The following SOCS4 variants were observed in gnomAD, a reference collection of about 807,000 sequenced individuals.
SOCS4 encodes suppressor of cytokine signaling 4.
Under a neutral mutation model 34.1 loss-of-function variants are expected in SOCS4, and 20 were observed. The observed-to-expected ratio is 0.59, with a 90% confidence interval of 0.41 to 0.85. The LOEUF (loss-of-function observed/expected upper bound fraction) is 0.85, where lower values mean the gene tolerates loss of function less well. SOCS4 is among the 40% of genes least tolerant of loss of function. SOCS4 has a pLI of 0.00. For missense variants in SOCS4, 479 were observed against 532.4 expected, an observed-to-expected ratio of 0.90 and a Z score of 0.99; for synonymous variants, 180 against 186.4, an observed-to-expected ratio of 0.97 and a Z score of 0.28.
rs923128044 is a variant in SOCS4 at position 55,046,548 on chromosome 14, C to G, written c.*2184C>G. ...TTAGTATTTATATGAAAGTCAAGATCTAAGTACCTTTTCATATAATTCAAA... is the reference window on the plus strand; with the variant it reads ...TTAGTATTTATATGAAAGTCAAGATGTAAGTACCTTTTCATATAATTCAAA... On this transcript the variant is annotated 3_prime_UTR_variant, in exon 3 of 3. Transcript: ENST00000555846. 2 of 166,558 alleles carry G rather than the reference C, an allele frequency of 1.2e-5. No homozygotes were observed. Among genetic ancestry groups the G allele is most frequent in the African/African-American group, 4.8e-5 (2 of 41,384 alleles). The allele number at this position is 166,558 out of a possible 1,614,324, so 10.3% of individuals were successfully genotyped here.
chr14:55,039,506 A>G (rs1391177267), intron 2 of SOCS4, among the ~76,000 whole-genome samples: 1 of 152,226 alleles, frequency 6.6e-6, no homozygotes, highest in East Asian at 1.9e-4. Flanking sequence ...TCACTGAAAC[A>G]TTTTATAAGC....
intron 1 of SOCS4, among the ~76,000 whole-genome samples, chr14:55,030,918 C>A (rs926953923): frequency 1.3e-5 from 2 of 152,002 alleles, no homozygotes; most frequent in African/African-American, 4.8e-5. Flanking sequence ...TTAAAATTTT[C>A]TCTTTATGCT....
rs2042662822 is a variant in SOCS4, at chr14:55,045,105, T to C, written c.*741T>C. On this transcript the variant is annotated 3_prime_UTR_variant, in exon 3 of 3. Coordinates refer to ENST00000555846, the MANE Select transcript of SOCS4 (RefSeq NM_199421.2). ...CATTTGTCATTCCTGAATAGGTCTTTCTCTCAACCTGCAAGAGCTAAACCA... is the reference window on the plus strand; with the variant it reads ...CATTTGTCATTCCTGAATAGGTCTTCCTCTCAACCTGCAAGAGCTAAACCA... 1 of 167,034 alleles carries C rather than the reference T, an allele frequency of 6.0e-6. No individual in the cohort carries two copies. The highest frequency in any genetic ancestry group is 2.1e-4 in the South Asian group (1 of 4,832). 10.3% of individuals were successfully genotyped at this position (167,034 alleles called of 1,614,324 possible).
chr14:55,043,971 T>C lies in SOCS4; in HGVS notation c.930T>C (p.Leu310=). ...LEGKPEGTFL[L]RDSAQEDYLF... ...GAAAACCAGAGGGTACCTTTTTACT[T>C]CGAGACTCAGCACAGGAAGACTATT... The change falls in exon 3 of 3, where the codon CTT becomes CTC. Residue 310 remains leucine, a synonymous_variant. Coordinates refer to ENST00000555846, the MANE Select transcript of SOCS4 (RefSeq NM_199421.2). The C allele has an allele frequency of 6.2e-7, 1 of 1,614,148 alleles. No individual in the cohort carries two copies. Among genetic ancestry groups the C allele is most frequent in the Non-Finnish European group, 8.5e-7 (1 of 1,180,008 alleles).
At position 55,043,098 on chromosome 14, in the gene SOCS4, T is replaced by A; in HGVS notation, c.57T>A (p.Ser19Arg). The A allele has an allele frequency of 6.2e-7, 1 of 1,613,948 alleles. No individual in the cohort carries two copies. The highest frequency in any genetic ancestry group is 1.1e-5 in the South Asian group (1 of 91,068). The change falls in exon 3 of 3, where the codon AGT becomes AGA. Residue 19 changes from serine to arginine, a missense_variant. Coordinates refer to ENST00000555846, the MANE Select transcript of SOCS4 (RefSeq NM_199421.2). ...SKNVDVRPKT[S>R]RSRSADRKDG... ...ATGTAGATGTAAGGCCCAAAACTAG[T>A]CGGAGCAGAAGTGCCGACAGAAAAG...
At chr14:55,029,700 A>G (rs966255293) in intron 1 of SOCS4, among the ~76,000 whole-genome samples, 1 of 152,200 alleles carries the variant, frequency 6.6e-6, no homozygotes, top group Non-Finnish European at 1.5e-5. Flanking sequence ...AGAAGAGTGT[A>G]ACAATAGCCA....
intron 2 of SOCS4, among the ~76,000 whole-genome samples, chr14:55,033,008 T>C (rs1252736287): frequency 6.6e-6 from 1 of 152,154 alleles, no homozygotes; most frequent in Non-Finnish European, 1.5e-5. Context: ...GGTCTCGATC[T>C]CCTGACCTCG....
intron 2 of SOCS4, among the ~76,000 whole-genome samples, chr14:55,039,045 G>C (rs147433197): frequency 7.4e-4 from 112 of 152,258 alleles, no homozygotes; most frequent in African/African-American, 2.6e-3. Flanking sequence ...CTGAGAGAAG[G>C]GTGGGGCAAA....
intron 2 of SOCS4, 58 bp from the exon 3 acceptor site, chr14:55,042,894 A>G (rs746662231): frequency 4.4e-6 from 3 of 683,592 alleles, no homozygotes; most frequent in Non-Finnish European, 7.2e-6. Flanking sequence ...GAAGCTTAAT[A>G]TGTAAACTAG....
rs2042685371 is a variant in SOCS4 at position 55,047,298 on chromosome 14, C to T, written c.*2934C>T. ...CATCCTGGGCTAATCAGGAAATAAA[C>T]TTGACTTTTCTATTTTTCTCTGAAG... On this transcript the variant is annotated 3_prime_UTR_variant, in exon 3 of 3. Coordinates refer to ENST00000555846, the MANE Select transcript of SOCS4 (RefSeq NM_199421.2). 6.0e-6 allele frequency: 1 copy of T among 167,070 alleles called. No homozygotes were observed. Among genetic ancestry groups the T allele is most frequent in the South Asian group, 2.1e-4 (1 of 4,830 alleles). The allele number at this position is 167,070 out of a possible 1,614,324, so 10.3% of individuals were successfully genotyped here.
In SOCS4 at chr14:55,048,990, CAGT is replaced by C. The variant is rs1274103642; in HGVS notation, c.*4629_*4631del. On this transcript the variant is annotated 3_prime_UTR_variant, in exon 3 of 3. Transcript: ENST00000555846. ...AAAAGACTTTCTTGACTTGTTTTAA[CAGT>C]AGAGATAGCAGTACAATTTGAATTT... 2 of 166,926 alleles carry C rather than the reference CAGT, an allele frequency of 1.2e-5. No individual in the cohort carries two copies. Among genetic ancestry groups the C allele is most frequent in the Non-Finnish European group, 2.9e-5 (2 of 68,122 alleles). The allele number at this position is 166,926 out of a possible 1,614,324, so 10.3% of individuals were successfully genotyped here. A position where few individuals can be genotyped will look rare whatever the true frequency, so the allele number is the denominator to read the frequency against.
chr14:55,028,443 T>C (rs1187877), intron 1 of SOCS4, among the ~76,000 whole-genome samples: 82,897 of 151,778 alleles, frequency 0.55, 23,154 homozygotes, highest in East Asian at 0.78. Context: ...TCATTTGTTT[T>C]TTGGATAGAC....
intron 2 of SOCS4, among the ~76,000 whole-genome samples, chr14:55,039,852 T>C (rs1268519309): frequency 1.3e-5 from 2 of 151,630 alleles, no homozygotes; most frequent in African/African-American, 2.4e-5. Flanking sequence ...GCCGAGATCG[T>C]GCCACTGCAC....
At position 55,046,171 on chromosome 14, in the gene SOCS4, G is replaced by A. The variant is rs1364808339; in HGVS notation, c.*1807G>A. 8 of 166,550 alleles carry A rather than the reference G, an allele frequency of 4.8e-5. No homozygotes were observed. The highest frequency in any genetic ancestry group is 2.1e-4 in the South Asian group (1 of 4,814). The allele number at this position is 166,550 out of a possible 1,614,324, so 10.3% of individuals were successfully genotyped here. ...CAGGATAAATATCTCTTCTAAAGAC[G>A]ATATTTACCTTTTACAAGGTTAGAA... is the stretch of plus-strand genomic sequence containing the variant. On this transcript the variant is annotated 3_prime_UTR_variant, in exon 3 of 3. Coordinates refer to ENST00000555846, the MANE Select transcript of SOCS4 (RefSeq NM_199421.2).
chr14:55,038,776 A>G (rs1164060292), intron 2 of SOCS4, among the ~76,000 whole-genome samples: 3 of 152,026 alleles, frequency 2.0e-5, no homozygotes, highest in Non-Finnish European at 4.4e-5. Flanking sequence ...CCCATGTTCC[A>G]CCCTGTTCTC....
At chr14:55,033,032 T>A (rs1248624148) in intron 2 of SOCS4, among the ~76,000 whole-genome samples, 3 of 152,176 alleles carry the variant, frequency 2.0e-5, no homozygotes, top group Non-Finnish European at 4.4e-5. Flanking sequence ...TCCACCCACC[T>A]AGGCCTCCCA....
In SOCS4 at chr14:55,043,994, A is replaced by C; in HGVS notation, c.953A>C (p.Tyr318Ser). Reference sequence around the variant, plus strand: ...CTTCGAGACTCAGCACAGGAAGACTATTTATTCTCTGTTAGTTTTAGACGC... The same window carrying C: ...CTTCGAGACTCAGCACAGGAAGACTCTTTATTCTCTGTTAGTTTTAGACGC... Reference protein sequence around the residue: ...FLLRDSAQEDYLFSVSFRRYS... With the variant: ...FLLRDSAQEDSLFSVSFRRYS... The change falls in exon 3 of 3, where the codon TAT becomes TCT. Residue 318 changes from tyrosine (Y) to serine (S), a missense_variant. Physicochemically the swap from Tyr to Ser is moderately radical, Grantham distance 144 (BLOSUM62 -2). Transcript: ENST00000555846. 6.2e-7 allele frequency: 1 copy of C among 1,614,132 alleles called. No individual in the cohort carries two copies. The highest frequency in any genetic ancestry group is 1.1e-5 in the South Asian group (1 of 91,080).
At chr14:55,042,191 A>G (rs906074899) in intron 2 of SOCS4, among the ~76,000 whole-genome samples, 4 of 152,212 alleles carry the variant, frequency 2.6e-5, no homozygotes, top group African/African-American at 9.6e-5. Flanking sequence ...TGCAAATTCT[A>G]GTATGTTTTA....
chr14:55,045,429 A>G lies in SOCS4; in HGVS notation c.*1065A>G, dbSNP rs546938928. The G allele has an allele frequency of 9.0e-5, 15 of 166,986 alleles. No individual in the cohort carries two copies. Among genetic ancestry groups the G allele is most frequent in the Non-Finnish European group, 2.2e-4 (15 of 68,042 alleles). 10.3% of individuals were successfully genotyped at this position (166,986 alleles called of 1,614,324 possible). On this transcript the variant is annotated 3_prime_UTR_variant, in exon 3 of 3. Coordinates refer to ENST00000555846, the MANE Select transcript of SOCS4 (RefSeq NM_199421.2). ...TCCAGAAATAAACATGGAGCTCAGT[A>G]TTCAGGAAGCTTAATACTGTTTTTG...
Sources: gnomAD v4.1 joint callset for allele counts (sites outside exome capture counted in the v4.1 genomes callset) on GRCh38, gnomAD v4.1.1 for gene constraint, MANE v1.5 for transcripts, NCBI Gene and HGNC (gene_info 2026-07-23, HGNC 2026-07-21) for gene names.